Variants in ACOT7 observed in about 807,000 individuals in gnomAD.
ACOT7 encodes the protein cytosolic acyl coenzyme A thioester hydrolase.
Under a neutral mutation model 40.2 loss-of-function variants are expected in ACOT7, and 12 were observed. That is an observed-to-expected ratio of 0.30 (90% CI 0.19 to 0.48). The LOEUF (loss-of-function observed/expected upper bound fraction) is 0.48. Among genes scored for constraint, ACOT7 ranks in the 20% least tolerant of loss-of-function variants. ACOT7 has a pLI of 0.99. For missense variants in ACOT7, 395 were observed against 530.8 expected (o/e 0.74, Z 2.51); for synonymous variants, 228 against 219.5 (o/e 1.04, Z -0.34).
At chr1:6,357,106 A>G (rs1447762730) in intron 1 of ACOT7, among the ~76,000 whole-genome samples, 1 of 151,944 alleles carries the variant, frequency 6.6e-6, no homozygotes, top group African/African-American at 2.4e-5. Flanking sequence ...CCATGGTGGC[A>G]CATGCCTGTA....
intron 6 of ACOT7, among the ~76,000 whole-genome samples, chr1:6,295,932 C>A (rs983438694): frequency 4.6e-5 from 7 of 151,958 alleles, no homozygotes; most frequent in African/African-American, 1.7e-4. Context: ...GAGACAGGGT[C>A]TCACTTTGTC....
At position 6,342,342 on chromosome 1, in the gene ACOT7, C is replaced by G. The variant is rs188356249; in HGVS notation, c.262-2753G>C. Among the ~76,000 whole-genome samples the G allele has an allele frequency of 1.7e-3, 254 of 152,270 alleles. 1 individual carries two copies. Among genetic ancestry groups the G allele is most frequent in the African/African-American group, 5.6e-3 (234 of 41,552 alleles). On this transcript the variant is annotated intron_variant, in intron 2 of 8. Coordinates refer to ENST00000361521, the MANE Select transcript of ACOT7 (RefSeq NM_007274.4). ...AAGGCCCCACCCCCTAATACCATCA[C>G]CCTGGGGGTGAGAATTTCAACACAT...
At chr1:6,357,388 G>A (rs1490951268) in intron 1 of ACOT7, among the ~76,000 whole-genome samples, 1 of 152,224 alleles carries the variant, frequency 6.6e-6, no homozygotes, top group East Asian at 1.9e-4. Flanking sequence ...TGGGGTATAG[G>A]CAGGTCAGGC....
intron 8 of ACOT7, among the ~76,000 whole-genome samples, chr1:6,267,636 G>A (rs974739516): frequency 3.9e-5 from 6 of 152,234 alleles, no homozygotes; most frequent in Non-Finnish European, 7.3e-5. Flanking sequence ...GTTCTGAAAC[G>A]TCTCAAATCT....
chr1:6,368,702 T>G (rs1303576505), intron 1 of ACOT7, among the ~76,000 whole-genome samples: 2 of 152,198 alleles, frequency 1.3e-5, no homozygotes. Flanking sequence ...AGCCAGGGTC[T>G]GGAGCGGCAA....
chr1:6,356,447 C>A (rs1223930037), intron 1 of ACOT7, among the ~76,000 whole-genome samples: 1 of 151,668 alleles, frequency 6.6e-6, no homozygotes, highest in Non-Finnish European at 1.5e-5. Context: ...CCCTCAGCCC[C>A]GCTCAGCACC....
chr1:6,273,380 A>G (rs1344565814), intron 8 of ACOT7, among the ~76,000 whole-genome samples: 1 of 152,210 alleles, frequency 6.6e-6, no homozygotes, highest in East Asian at 1.9e-4. Flanking sequence ...CTAAGCGCTA[A>G]CCAATGAGGC....
chr1:6,327,235 G>T, intron 5 of ACOT7, 64 bp downstream of exon 5: 1 of 1,530,464 alleles, frequency 6.5e-7, no homozygotes, highest in Non-Finnish European at 9.0e-7. Flanking sequence ...GGCCCGGCCT[G>T]CTCCTGCCTC....
At chr1:6,349,027 G>A (rs1280642128) in intron 2 of ACOT7, among the ~76,000 whole-genome samples, 6 of 152,262 alleles carry the variant, frequency 3.9e-5, no homozygotes, top group East Asian at 1.9e-4. Flanking sequence ...CTGCAGCTGC[G>A]GCACCAAGGC....
At chr1:6,357,011 G>A (rs990409925) in intron 1 of ACOT7, among the ~76,000 whole-genome samples, 19 of 152,068 alleles carry the variant, frequency 1.2e-4, no homozygotes, top group African/African-American at 4.6e-4. Flanking sequence ...GCTGAGGCAG[G>A]TGGATCACCT....
intron 2 of ACOT7, among the ~76,000 whole-genome samples, chr1:6,339,902 CG>C (rs1641220655): frequency 7.2e-6 from 1 of 139,056 alleles, no homozygotes; most frequent in African/African-American, 3.0e-5. Flanking sequence ...GGGACTACAG[CG>C]GGCCTTCCGA....
At chr1:6,365,371 C>T (rs1344094082) in intron 1 of ACOT7, among the ~76,000 whole-genome samples, 2 of 152,100 alleles carry the variant, frequency 1.3e-5, no homozygotes, top group Non-Finnish European at 2.9e-5. Context: ...TATAATAAGT[C>T]ACATGATTTT....
intron 6 of ACOT7, among the ~76,000 whole-genome samples, chr1:6,310,276 C>T (rs1339205618): frequency 6.6e-6 from 1 of 152,244 alleles, no homozygotes; most frequent in Non-Finnish European, 1.5e-5. Context: ...GGCACACCCA[C>T]ACTCAGGGGC....
intron 5 of ACOT7, among the ~76,000 whole-genome samples, chr1:6,325,402 T>TAA (rs111792791): frequency 0.093 from 13,477 of 145,502 alleles, 1,054 homozygotes; most frequent in African/African-American, 0.21. Context: ...TGCCTCAAAT[T>TAA]AAAAAAAAAA....
chr1:6,321,431 C>A (rs1640642319), intron 5 of ACOT7, among the ~76,000 whole-genome samples: 1 of 152,152 alleles, frequency 6.6e-6, no homozygotes, highest in Admixed American at 6.5e-5. Context: ...TTTTCCATCC[C>A]ACTCCACTCC....
At chr1:6,310,053 C>T (rs1640288188) in intron 6 of ACOT7, among the ~76,000 whole-genome samples, 1 of 152,152 alleles carries the variant, frequency 6.6e-6, no homozygotes, top group Non-Finnish European at 1.5e-5. Context: ...TCACACGTCA[C>T]CTTCAGAAGT....
At chr1:6,317,121 A>G (rs1640517168) in intron 6 of ACOT7, among the ~76,000 whole-genome samples, 1 of 152,252 alleles carries the variant, frequency 6.6e-6, no homozygotes, top group Non-Finnish European at 1.5e-5. Context: ...TGCCTGGGAC[A>G]GATGAATAGC....
chr1:6,316,466 A>G (rs1294491408), intron 6 of ACOT7, among the ~76,000 whole-genome samples: 1 of 152,256 alleles, frequency 6.6e-6, no homozygotes, highest in Non-Finnish European at 1.5e-5. Context: ...TGGGAAGACG[A>G]AAACAATCAT....
chr1:6,303,754 C>T (rs1640036839), intron 6 of ACOT7, among the ~76,000 whole-genome samples: 1 of 152,186 alleles, frequency 6.6e-6, no homozygotes, highest in African/African-American at 2.4e-5. Flanking sequence ...TGCGAGACAG[C>T]CCTGGCCTCT....
Sources: allele counts gnomAD v4.1 joint callset (sites outside exome capture counted in the v4.1 genomes callset), GRCh38; gene constraint gnomAD v4.1.1; transcripts MANE v1.5; gene names NCBI Gene and HGNC (gene_info 2026-07-23, HGNC 2026-07-21).